SPAG1: variants seen among roughly 807,000 people sequenced by gnomAD.
SPAG1 encodes the protein sperm associated antigen 1.
In SPAG1, 69 loss-of-function variants were observed where a neutral mutation model predicts 100.5. The ratio of observed to expected loss-of-function variants is 0.69; its 90% CI spans 0.57 to 0.84. The LOEUF is 0.84. Among genes scored for constraint, SPAG1 ranks in the 40% least tolerant of loss-of-function variants. SPAG1 has a pLI of 0.00. For missense variants in SPAG1, 955 were observed against 1,133.1 expected (o/e 0.84, Z 2.26); for synonymous variants, 336 against 411.6 (o/e 0.82, Z 2.22).
At chr8:100,164,492 T>A (rs866023892) in intron 2 of SPAG1, among the ~76,000 whole-genome samples, 1 of 152,188 alleles carries the variant, frequency 6.6e-6, no homozygotes, top group Non-Finnish European at 1.5e-5. Context: ...TGGTGCGATC[T>A]CGGTTCACTG....
rs920037606 is a variant in SPAG1 at position 100,211,738 on chromosome 8, C to T, written c.1097-1352C>T. The stretch of plus-strand genomic sequence containing the variant: ...TAGCTCTGTGTACTAGAGCGCATTC[C>T]TTAGCTTCTTGTTTCTCTGTTGCCT... On this transcript the variant is annotated intron_variant, in intron 10 of 18. Transcript: ENST00000388798. 2.0e-5 allele frequency among the ~76,000 whole-genome samples: 3 copies of T among 152,336 alleles called. 1 individual carries two copies. Among genetic ancestry groups the T allele is most frequent in the Admixed American group, 2.0e-4 (3 of 15,296 alleles).
intron 10 of SPAG1, among the ~76,000 whole-genome samples, chr8:100,205,768 G>A (rs140907799): frequency 0.059 from 8,950 of 152,112 alleles, 774 homozygotes; most frequent in African/African-American, 0.18. Context: ...TGTAATCCCA[G>A]CACTTTGGGA....
chr8:100,210,222 T>C (rs1292193600), intron 10 of SPAG1, among the ~76,000 whole-genome samples: 1 of 152,096 alleles, frequency 6.6e-6, no homozygotes, highest in Non-Finnish European at 1.5e-5. Context: ...TGAAAGCATG[T>C]TGGATTTTGT....
intron 10 of SPAG1, among the ~76,000 whole-genome samples, chr8:100,209,916 T>A (rs1004325222): frequency 4.3e-4 from 66 of 152,154 alleles, no homozygotes; most frequent in African/African-American, 1.5e-3. Context: ...TCTTTTTTTT[T>A]AATATAAATA....
rs570295587 is a variant in SPAG1 at position 100,228,063 on chromosome 8, C to T, written c.1855+2724C>T. On this transcript the variant is annotated intron_variant, in intron 14 of 18. Coordinates refer to ENST00000388798, the MANE Select transcript of SPAG1 (RefSeq NM_003114.5). ...CTCATTATGTTGCCCAGGCTGGTCTCGAATTCCTGGGCTCAAGTAATCCTT... is the reference window on the plus strand; with the variant it reads ...CTCATTATGTTGCCCAGGCTGGTCTTGAATTCCTGGGCTCAAGTAATCCTT... Among the ~76,000 whole-genome samples the T allele has an allele frequency of 4.0e-3, 608 of 151,922 alleles. 4 individuals are homozygous for T. The highest frequency in any genetic ancestry group is 0.013 in the African/African-American group (559 of 41,450).
At chr8:100,208,527 G>A (rs1172291977) in intron 10 of SPAG1, among the ~76,000 whole-genome samples, 1 of 152,202 alleles carries the variant, frequency 6.6e-6, no homozygotes, top group Non-Finnish European at 1.5e-5. Context: ...GAAGGCAAAG[G>A]GAATATAGAA....
intron 10 of SPAG1, among the ~76,000 whole-genome samples, chr8:100,203,873 G>A (rs985792211): frequency 1.3e-5 from 2 of 152,196 alleles, no homozygotes; most frequent in Admixed American, 1.3e-4. Context: ...GCGAGTGGCT[G>A]ACCTGCAACA....
intron 3 of SPAG1, among the ~76,000 whole-genome samples, chr8:100,173,609 AT>A (rs921469063): frequency 4.0e-5 from 6 of 151,892 alleles, no homozygotes; most frequent in Non-Finnish European, 5.9e-5. Flanking sequence ...CTCTTACTCA[AT>A]TTTTTTTCTG....
At chr8:100,225,003 A>G (rs1030363709) in intron 13 of SPAG1, among the ~76,000 whole-genome samples, 170 bp from the exon 14 acceptor site, 1 of 152,190 alleles carries the variant, frequency 6.6e-6, no homozygotes, top group Non-Finnish European at 1.5e-5. Flanking sequence ...GACAACTTGT[A>G]AATATCTTTT....
chr8:100,165,494 C>T (rs1815507602), intron 2 of SPAG1: 1 of 365,228 alleles, frequency 2.7e-6, no homozygotes, highest in Non-Finnish European at 5.2e-6. Context: ...CCGGGAGGAA[C>T]CCAGAACCCA....
rs540439247 is a variant in SPAG1 at position 100,166,501 on chromosome 8, C to T, written c.300+528C>T. Among the ~76,000 whole-genome samples the T allele has an allele frequency of 3.3e-5, 5 of 152,270 alleles. No individual in the cohort carries two copies. In the South Asian group the frequency reaches 1.0e-3, roughly 32 times the overall value. ...CGAACTCCTGACCTCAGGTGATCCA[C>T]CCACCTCGGCCTCCCAAAGTGCTGG... is the stretch of plus-strand genomic sequence containing the variant. On this transcript the variant is annotated intron_variant, in intron 3 of 18. Transcript: ENST00000388798.
At chr8:100,231,949 A>C (rs1275843643) in intron 15 of SPAG1, among the ~76,000 whole-genome samples, 2 of 147,394 alleles carry the variant, frequency 1.4e-5, no homozygotes, top group African/African-American at 2.6e-5. Flanking sequence ...GTGAAAGAGC[A>C]AGACTCTGTC....
At chr8:100,227,841 A>ATTTTTTTTTTTTTTTTTTTTTTTTTTTTT (rs34049816) in intron 14 of SPAG1, among the ~76,000 whole-genome samples, 1 of 103,796 alleles carries the variant, frequency 9.6e-6, no homozygotes. Flanking sequence ...ATTGTGTCAG[A>ATTTTTTTTTTTTTTTTTTTTTTTTTTTTT]TTTTTTTTTT....
At chr8:100,214,989 A>G (rs1208670707) in intron 12 of SPAG1, among the ~76,000 whole-genome samples, 1 of 32 alleles carries the variant, frequency 0.031, no homozygotes, top group South Asian at 0.25. Flanking sequence ...AACTTTACTC[A>G]TATATATATA....
chr8:100,182,224 C>T (rs774160392), intron 4 of SPAG1, among the ~76,000 whole-genome samples: 4 of 152,170 alleles, frequency 2.6e-5, no homozygotes, highest in African/African-American at 4.8e-5. Flanking sequence ...AGCATTATGG[C>T]TATTGTTTGC....
chr8:100,202,426 C>T (rs1296092181), intron 10 of SPAG1, among the ~76,000 whole-genome samples: 1 of 151,278 alleles, frequency 6.6e-6, no homozygotes, highest in African/African-American at 2.4e-5. Flanking sequence ...AATCAACTGG[C>T]CAGGCCGGGC....
intron 16 of SPAG1, among the ~76,000 whole-genome samples, chr8:100,238,361 G>C (rs190490288): frequency 5.3e-5 from 8 of 152,288 alleles, no homozygotes; most frequent in Non-Finnish European, 1.2e-4. Context: ...ATTACAGCTA[G>C]GCCCCCGGGA....
At chr8:100,185,650 G>A (rs1249825815) in intron 7 of SPAG1, among the ~76,000 whole-genome samples, 1 of 152,192 alleles carries the variant, frequency 6.6e-6, no homozygotes, top group African/African-American at 2.4e-5. Context: ...AGTAGACTAA[G>A]TTTTTAAAAT....
chr8:100,183,129 T>C (rs1816436807), intron 4 of SPAG1, among the ~76,000 whole-genome samples: 1 of 152,020 alleles, frequency 6.6e-6, no homozygotes, highest in Admixed American at 6.6e-5. Context: ...TGCGCCACCA[T>C]GCCCAGCTAA....
Sources: gnomAD v4.1 joint callset for allele counts (sites outside exome capture counted in the v4.1 genomes callset) on GRCh38, gnomAD v4.1.1 for gene constraint, MANE v1.5 for transcripts, NCBI Gene and HGNC (gene_info 2026-07-23, HGNC 2026-07-21) for gene names.